Variants in HNRNPAB observed in about 807,000 individuals in gnomAD.
The protein encoded by HNRNPAB is ABBP-1.
In HNRNPAB, 17 loss-of-function variants were observed where a neutral mutation model predicts 44.1. The ratio of observed to expected loss-of-function variants is 0.39; its 90% CI spans 0.26 to 0.58. The LOEUF (loss-of-function observed/expected upper bound fraction) is 0.58. HNRNPAB is among the 20% of genes least tolerant of loss of function. The pLI, the probability that HNRNPAB is intolerant of heterozygous loss-of-function variation, is 0.63. For missense variants in HNRNPAB, 393 were observed against 432.7 expected, an observed-to-expected ratio of 0.91 and a Z score of 0.81; for synonymous variants, 183 against 167.6, an observed-to-expected ratio of 1.09 and a Z score of -0.71.
rs776137124 is a variant in HNRNPAB, at chr5:178,206,825, G to A, written c.472G>A (p.Val158Ile). ...GAAGGACCCGGTGAAGAAAATCTTCGTTGGGGGTCTGAATCCTGAAGCCAC... is the reference window on the plus strand; with the variant it reads ...GAAGGACCCGGTGAAGAAAATCTTCATTGGGGGTCTGAATCCTGAAGCCAC... ...MKKDPVKKIF[V>I]GGLNPEATEE... Residue 158 changes from valine (V) to isoleucine (I), a missense_variant, in exon 4 of 8, where the codon GTT (valine) becomes ATT (isoleucine). This residue lies in a region of HNRNPAB where 102 missense variants were observed against 162.3 expected (regional missense o/e 0.63). Transcript: ENST00000358344. 6 of 1,614,052 alleles carry A rather than the reference G, an allele frequency of 3.7e-6. No homozygotes were observed. In the African/African-American group the frequency reaches 5.3e-5, roughly 14 times the overall value.
intron 2 of HNRNPAB, among the ~76,000 whole-genome samples, 197 bp downstream of exon 2, chr5:178,205,243 A>C (rs1756994893): frequency 6.6e-6 from 1 of 150,614 alleles, no homozygotes; most frequent in South Asian, 2.1e-4. Context: ...TGTTGGGTCG[A>C]CTTTGGCGCC....
chr5:178,210,161 G>A lies in HNRNPAB; in HGVS notation c.817G>A (p.Gly273Ser), dbSNP rs780241934. ...GQSQSWNQGYGNYWNQGYGYQ... is the reference protein window; with the variant it reads ...GQSQSWNQGYSNYWNQGYGYQ... ...GAGTCAGAGTTGGAATCAGGGCTAC[G>A]GCAACTACTGGAACCAGGGCTACGG... Residue 273 changes from glycine to serine, a missense_variant, in exon 7 of 8, where the codon GGC becomes AGC. Transcript: ENST00000358344. The A allele has an allele frequency of 8.1e-6, 13 of 1,613,906 alleles. No individual in the cohort carries two copies. The highest frequency in any genetic ancestry group is 7.7e-5 in the South Asian group (7 of 91,084).
intron 4 of HNRNPAB, 51 bp downstream of exon 4, chr5:178,206,941 T>C: frequency 6.2e-7 from 1 of 1,605,380 alleles, no homozygotes; most frequent in African/African-American, 1.3e-5. Flanking sequence ...GGCTGCCTTC[T>C]TTCTGGTCCT....
chr5:178,204,753 C>A lies in HNRNPAB; in HGVS notation c.-24+13C>A. The A allele has an allele frequency of 1.1e-6, 1 of 884,028 alleles. No homozygotes were observed. Among genetic ancestry groups the A allele is most frequent in the Non-Finnish European group, 1.5e-6 (1 of 684,072 alleles). The allele number at this position is 884,028 out of a possible 1,614,324, so 54.8% of individuals were successfully genotyped here. A position where few individuals can be genotyped will look rare whatever the true frequency, so the allele number is the denominator to read the frequency against. ...CATCGGCGGCGAGGTGAGCGGCGGCCGGCGGGCGGGAGCTCTGGCGGGAGC... is the reference window on the plus strand; with the variant it reads ...CATCGGCGGCGAGGTGAGCGGCGGCAGGCGGGCGGGAGCTCTGGCGGGAGC... On this transcript the variant is annotated intron_variant, in intron 1 of 7. Coordinates refer to ENST00000358344, the MANE Select transcript of HNRNPAB (RefSeq NM_031266.3).
intron 2 of HNRNPAB, 140 bp from the exon 3 acceptor site, chr5:178,205,702 T>G: frequency 1.4e-6 from 1 of 739,408 alleles, no homozygotes; most frequent in East Asian, 2.7e-5. Context: ...GTAGTGGAGA[T>G]TTAACATCTT....
chr5:178,205,139 G>T (rs954721937), intron 2 of HNRNPAB, 93 bp downstream of exon 2: 150 of 969,786 alleles, frequency 1.5e-4, no homozygotes, highest in Non-Finnish European at 1.9e-4. Flanking sequence ...CGGCGGCCTG[G>T]CCCGGGTCGG....
At chr5:178,209,980 CCCAGGGCCCTTATACA>C (rs1414985677) in intron 6 of HNRNPAB, 136 bp from the exon 7 acceptor site, 2 of 997,320 alleles carry the variant, frequency 2.0e-6, no homozygotes, top group African/African-American at 4.9e-5. Context: ...CAGGGTTGGG[CCCAGGGCCCTTATACA>C]CCAGAACAGC....
At chr5:178,210,312 G>A (rs539690163) in intron 7 of HNRNPAB, 40 bp downstream of exon 7, 9 of 1,613,260 alleles carry the variant, frequency 5.6e-6, no homozygotes, top group Admixed American at 3.3e-5. Flanking sequence ...CTCACCCCTC[G>A]TCCCCAGGGG....
chr5:178,207,041 T>C, intron 4 of HNRNPAB, 53 bp from the exon 5 acceptor site: 1 of 1,607,868 alleles, frequency 6.2e-7, no homozygotes, highest in Non-Finnish European at 8.5e-7. Flanking sequence ...GAGTCCCCTA[T>C]ATGCTCTGGG....
chr5:178,210,131 GGTCAGA>G lies in HNRNPAB; in HGVS notation c.796_801del (p.Gln266_Ser267del), dbSNP rs764701576. On this transcript the variant is annotated inframe_deletion and splice_region_variant, in exon 7 of 8. Transcript: ENST00000358344. ...GCCCCTGTGCCCTGCTCCCCCCACAGGTCAGAGTCAGAGTTGGAATCAGGGCTACGG... is the reference window on the plus strand; with the variant it reads ...GCCCCTGTGCCCTGCTCCCCCCACAGGTCAGAGTTGGAATCAGGGCTACGG... The G allele has an allele frequency of 2.5e-6, 4 of 1,614,116 alleles. No homozygotes were observed. The highest frequency in any genetic ancestry group is 2.2e-5 in the East Asian group (1 of 44,882).
intron 2 of HNRNPAB, among the ~76,000 whole-genome samples, chr5:178,205,261 G>C (rs1351634669): frequency 6.6e-6 from 1 of 151,022 alleles, no homozygotes; most frequent in Non-Finnish European, 1.5e-5. Flanking sequence ...GCCGCCCCGG[G>C]GCCGCTCGCG....
chr5:178,208,224 A>G (rs1018736347), intron 5 of HNRNPAB, among the ~76,000 whole-genome samples: 3 of 152,180 alleles, frequency 2.0e-5, no homozygotes, highest in African/African-American at 7.2e-5. Flanking sequence ...GTTTCTGAGC[A>G]GGAGTTGGCA....
chr5:178,206,090 A>G lies in HNRNPAB; in HGVS notation c.378+80A>G, dbSNP rs992173351. 1.1e-5 allele frequency: 15 copies of G among 1,379,836 alleles called. No individual in the cohort carries two copies. In the African/African-American group the frequency reaches 1.9e-4, roughly 17 times the overall value. 85.5% of individuals were successfully genotyped at this position (1,379,836 alleles called of 1,614,324 possible). A position where few individuals can be genotyped will look rare whatever the true frequency, so the allele number is the denominator to read the frequency against. On this transcript the variant is annotated intron_variant, in intron 3 of 7. Transcript: ENST00000358344. The stretch of plus-strand genomic sequence containing the variant: ...AGGACACCTTTCTTAAAGCATGACT[A>G]GTTTGTGTGGTCTGCATGTGATTTA...
intron 7 of HNRNPAB, 93 bp from the exon 8 acceptor site, chr5:178,210,460 G>T: frequency 3.4e-6 from 5 of 1,489,868 alleles, no homozygotes; most frequent in South Asian, 1.1e-5. Context: ...CTGCTGTCAC[G>T]GCTGGTGAGG....
At chr5:178,209,518 G>C in intron 6 of HNRNPAB, 71 bp downstream of exon 6, 1 of 1,331,532 alleles carries the variant, frequency 7.5e-7, no homozygotes, top group African/African-American at 1.4e-5. Flanking sequence ...CTGTCTTGGG[G>C]CTCCCTCTGG....
Position 178,210,678 on chromosome 5 carries a change from T to C in HNRNPAB, c.*55T>C, listed in dbSNP as rs1226907333. 3 of 1,361,006 alleles carry C rather than the reference T, an allele frequency of 2.2e-6. No individual in the cohort carries two copies. The highest frequency in any genetic ancestry group is 2.3e-5 in the East Asian group (1 of 43,636). 84.3% of individuals were successfully genotyped at this position (1,361,006 alleles called of 1,614,324 possible). On this transcript the variant is annotated 3_prime_UTR_variant, in exon 8 of 8. Transcript: ENST00000358344. ...ACACATGCTTTGTTTGGATATGGAG[T>C]GAACACAATTATGTACCAAATTTAA... is the stretch of plus-strand genomic sequence containing the variant.
At chr5:178,207,027 C>T (rs992425145) in intron 4 of HNRNPAB, 67 bp from the exon 5 acceptor site, 2 of 1,595,828 alleles carry the variant, frequency 1.3e-6, no homozygotes, top group African/African-American at 2.7e-5. Flanking sequence ...GTCTTTTCTC[C>T]TGTGAGTCCC....
At position 178,210,408 on chromosome 5, in the gene HNRNPAB, G is replaced by A; in HGVS notation, c.928+136G>A. 18 of 1,549,756 alleles carry A rather than the reference G, an allele frequency of 1.2e-5. No individual in the cohort carries two copies. In the South Asian group the frequency reaches 2.1e-4, roughly 18 times the overall value. On this transcript the variant is annotated intron_variant, in intron 7 of 7. Coordinates refer to ENST00000358344, the MANE Select transcript of HNRNPAB (RefSeq NM_031266.3). The stretch of plus-strand genomic sequence containing the variant: ...AGCCATGGGAGCTACTTGATTTTGA[G>A]CCTTAGACTTCGGGGTCTTAATAAC...
At chr5:178,209,989 CT>C (rs111881090) in intron 6 of HNRNPAB, 142 bp from the exon 7 acceptor site, 608,508 of 1,166,290 alleles carry the variant, frequency 0.52, 160,716 homozygotes, top group African/African-American at 0.71. Context: ...GCCCAGGGCC[CT>C]TATACACCAG....
Sources: gnomAD v4.1 joint callset for allele counts (sites outside exome capture counted in the v4.1 genomes callset) on GRCh38, gnomAD v4.1.1 for gene constraint, gnomAD v4.1.1 regional missense constraint, MANE v1.5 for transcripts, NCBI Gene and HGNC (gene_info 2026-07-23, HGNC 2026-07-21) for gene names.